Variants in TMPRSS6 observed in about 807,000 individuals in gnomAD.
TMPRSS6 encodes transmembrane serine protease 6, also known as transmembrane protease serine 6.
A neutral mutation model predicts 101.5 loss-of-function variants in TMPRSS6; 67 were observed. The ratio of observed to expected loss-of-function variants is 0.66; its 90% CI spans 0.54 to 0.81. TMPRSS6 has a LOEUF of 0.81. Ranked by LOEUF, TMPRSS6 falls within the 30% of genes least tolerant of loss-of-function variation. TMPRSS6 has a pLI of 0.00. For synonymous variants in TMPRSS6, 453 were observed against 464.9 expected (o/e 0.97, Z 0.33); for missense variants, 1,034 against 1,088.7 (o/e 0.95, Z 0.71).
Position 37,095,402 on chromosome 22 carries a change from G to A in TMPRSS6, c.631+149C>T, listed in dbSNP as rs189929773. 5.2e-4 allele frequency: 493 copies of A among 953,180 alleles called. 4 individuals are homozygous for A. In the East Asian group the frequency reaches 8.4e-3, roughly 16 times the overall value. The allele number at this position is 953,180 out of a possible 1,614,324, so 59.0% of individuals were successfully genotyped here. The stretch of plus-strand genomic sequence containing the variant: ...CTCCAAGACTTGCTTGGGACACATC[G>A]CTGAGTCCACCATGGCATCCCCTGG... On this transcript the variant is annotated intron_variant, in intron 6 of 17. Coordinates refer to ENST00000676104, the MANE Select transcript of TMPRSS6 (RefSeq NM_001374504.1).
intron 7 of TMPRSS6, 26 bp downstream of exon 7, chr22:37,089,550 CCT>C: frequency 3.6e-6 from 5 of 1,383,820 alleles, no homozygotes; most frequent in East Asian, 2.4e-5. Context: ...TCCAGCCCTC[CCT>C]CCTGCCCTCC....
rs542016025 is a variant in TMPRSS6 at position 37,074,767 on chromosome 22, G to A, written c.1343-59C>T. Reference sequence around the variant, plus strand: ...GGGCGCCATTAGGCCATGCGTAGCCGCGAAGGCGCACAAAGACACGCATGC... The same window carrying A: ...GGGCGCCATTAGGCCATGCGTAGCCACGAAGGCGCACAAAGACACGCATGC... On this transcript the variant is annotated intron_variant, in intron 11 of 17. Transcript: ENST00000676104. 2.6e-3 allele frequency: 4,022 copies of A among 1,561,440 alleles called. 27 individuals carry two copies. Among genetic ancestry groups the A allele is most frequent in the Non-Finnish European group, 3.0e-3 (3,377 of 1,136,634 alleles).
intron 16 of TMPRSS6, among the ~76,000 whole-genome samples, chr22:37,067,998 A>ATGT (rs1418323171): frequency 3.5e-5 from 5 of 143,506 alleles, no homozygotes; most frequent in African/African-American, 1.3e-4. Flanking sequence ...CTTTGTCTGA[A>ATGT]TGTTGCCAAC....
Position 37,069,670 on chromosome 22 carries a change from A to T in TMPRSS6, c.1842-326T>A, listed in dbSNP as rs955359515. The stretch of plus-strand genomic sequence containing the variant: ...GAGAATCCAATAAGACCGTGTATCT[A>T]AAAAATGTAGCACAGTGCCAGGCCC... On this transcript the variant is annotated intron_variant, in intron 15 of 17. Transcript: ENST00000676104. The surrounding 1 kb of genome is among the most constrained non-coding windows in gnomAD (Gnocchi z 4.8). 3.3e-5 allele frequency among the ~76,000 whole-genome samples: 5 copies of T among 152,220 alleles called. No homozygotes were observed. The highest frequency in any genetic ancestry group is 1.2e-4 in the African/African-American group (5 of 41,440).
chr22:37,075,608 A>G (rs1927564949), intron 10 of TMPRSS6, among the ~76,000 whole-genome samples: 1 of 152,130 alleles, frequency 6.6e-6, no homozygotes, highest in African/African-American at 2.4e-5. Flanking sequence ...TCCCTTATAA[A>G]ACAAGAAAAA....
chr22:37,093,850 T>C (rs1220177513), intron 6 of TMPRSS6, among the ~76,000 whole-genome samples: 1 of 151,662 alleles, frequency 6.6e-6, no homozygotes, highest in Non-Finnish European at 1.5e-5. Context: ...CGGCAAAACC[T>C]CATCTCTTCT....
At chr22:37,108,750 TAG>T (rs1244277429) in intron 1 of TMPRSS6, among the ~76,000 whole-genome samples, 1 of 151,770 alleles carries the variant, frequency 6.6e-6, no homozygotes, top group East Asian at 1.9e-4. Context: ...GAAACTGAGG[TAG>T]AGAGAGGTAA....
At chr22:37,077,340 CT>C (rs1285388031) in intron 10 of TMPRSS6, among the ~76,000 whole-genome samples, 1 of 152,214 alleles carries the variant, frequency 6.6e-6, no homozygotes, top group East Asian at 1.9e-4. Flanking sequence ...TCTGAGCCCC[CT>C]ACATGCCCCA....
chr22:37,094,319 C>A (rs1385359775), intron 6 of TMPRSS6, among the ~76,000 whole-genome samples: 1 of 151,990 alleles, frequency 6.6e-6, no homozygotes, highest in Non-Finnish European at 1.5e-5. Flanking sequence ...AGGACCTTAA[C>A]CAGGTTTGTA....
At chr22:37,099,292 G>A (rs578236609) in intron 2 of TMPRSS6, among the ~76,000 whole-genome samples, 7 of 152,336 alleles carry the variant, frequency 4.6e-5, no homozygotes, top group East Asian at 1.9e-4. Flanking sequence ...GTGAGGACCC[G>A]GGCTGAAAGC....
At chr22:37,079,213 C>G (rs1928063492) in intron 10 of TMPRSS6, among the ~76,000 whole-genome samples, 2 of 152,218 alleles carry the variant, frequency 1.3e-5, no homozygotes, top group African/African-American at 4.8e-5. Context: ...TAGCCCTCTC[C>G]AAGAAGCACC....
intron 1 of TMPRSS6, among the ~76,000 whole-genome samples, chr22:37,107,502 TCCCA>T (rs1930786923): frequency 8.6e-6 from 1 of 116,452 alleles, no homozygotes; most frequent in African/African-American, 3.4e-5. Flanking sequence ...CCCCCATGAC[TCCCA>T]CCATCATCCA....
chr22:37,077,886 T>TG (rs1236510355), intron 10 of TMPRSS6, among the ~76,000 whole-genome samples: 2 of 152,222 alleles, frequency 1.3e-5, no homozygotes, highest in Non-Finnish European at 2.9e-5. Context: ...GGAGAGTGAC[T>TG]GGGTCCTGAG....
At chr22:37,098,387 TC>T in intron 3 of TMPRSS6, 28 bp downstream of exon 3, 1 of 1,612,058 alleles carries the variant, frequency 6.2e-7, no homozygotes, top group Non-Finnish European at 8.5e-7. Flanking sequence ...CCATATTCCC[TC>T]CCTCTCATCC....
In TMPRSS6 at chr22:37,069,439, G is replaced by T. The variant is rs1211363729; in HGVS notation, c.1842-95C>A. 3 of 1,225,466 alleles carry T rather than the reference G, an allele frequency of 2.4e-6. No homozygotes were observed. Among genetic ancestry groups the T allele is most frequent in the African/African-American group, 3.0e-5 (2 of 66,612 alleles). 75.9% of individuals were successfully genotyped at this position (1,225,466 alleles called of 1,614,324 possible). A position where few individuals can be genotyped will look rare whatever the true frequency, so the allele number is the denominator to read the frequency against. The stretch of plus-strand genomic sequence containing the variant: ...GGACCCTCAAGATAGCCAGATCCCC[G>T]CCCGGGACAGTGCCCTCCACACCCA... On this transcript the variant is annotated intron_variant, in intron 15 of 17. Coordinates refer to ENST00000676104, the MANE Select transcript of TMPRSS6 (RefSeq NM_001374504.1). This position sits in a 1 kb window ranked among gnomAD's most constrained non-coding sequence, Gnocchi z 4.8.
In TMPRSS6 at chr22:37,106,392, C is replaced by T. The variant is rs554904261; in HGVS notation, c.-1-2974G>A. Among the ~76,000 whole-genome samples the T allele has an allele frequency of 4.6e-5, 7 of 152,232 alleles. No individual in the cohort carries two copies. In the South Asian group the frequency reaches 1.2e-3, roughly 27 times the overall value. On this transcript the variant is annotated intron_variant, in intron 1 of 17. Coordinates refer to ENST00000676104, the MANE Select transcript of TMPRSS6 (RefSeq NM_001374504.1). Reference sequence around the variant, plus strand: ...GGGTGCTTGGTGGGCCTCCCCTCCCCTCTCATCCTCCAAGCCAGGCGTCCT... The same window carrying T: ...GGGTGCTTGGTGGGCCTCCCCTCCCTTCTCATCCTCCAAGCCAGGCGTCCT...
In TMPRSS6 at chr22:37,073,008, T is replaced by TGATG. The variant is rs368831989; in HGVS notation, c.1555+520_1555+523dup. 7.0e-3 allele frequency among the ~76,000 whole-genome samples: 1,011 copies of TGATG among 143,856 alleles called. 30 individuals are homozygous for TGATG. In the South Asian group the frequency reaches 0.086, roughly 12 times the overall value. The allele number at this position is 143,856 out of a possible 152,430, so 94.4% of individuals were successfully genotyped here. A position where few individuals can be genotyped will look rare whatever the true frequency, so the allele number is the denominator to read the frequency against. On this transcript the variant is annotated intron_variant, in intron 13 of 17. Transcript: ENST00000676104. ...GATGGATAGATGGATGATGGATGGA[T>TGATG]GATGGATGGATGGATGGATGATGGA...
intron 10 of TMPRSS6, among the ~76,000 whole-genome samples, chr22:37,080,937 C>T (rs1928218409): frequency 6.6e-6 from 1 of 152,280 alleles, no homozygotes; most frequent in Non-Finnish European, 1.5e-5. Context: ...CGTACACGTG[C>T]ACAGACATGC....
At chr22:37,083,865 G>A in intron 10 of TMPRSS6, 4 of 401,782 alleles carry the variant, frequency 1.0e-5, no homozygotes, top group Non-Finnish European at 1.8e-5. Flanking sequence ...TGTGCAGCAG[G>A]GGTTCGTGAT....
Sources: gnomAD v4.1 joint callset for allele counts (sites outside exome capture counted in the v4.1 genomes callset) on GRCh38, gnomAD v4.1.1 for gene constraint, Gnocchi (gnomAD v3.1) non-coding constraint, MANE v1.5 for transcripts, NCBI Gene and HGNC (gene_info 2026-07-23, HGNC 2026-07-21) for gene names.